KPNA3: variants seen among roughly 807,000 people sequenced by gnomAD.
KPNA3 encodes the protein importin subunit alpha-4.
Under a neutral mutation model 73.8 loss-of-function variants are expected in KPNA3, and 13 were observed. The observed-to-expected ratio is 0.18, with a 90% CI of 0.11 to 0.28. The LOEUF is 0.28. KPNA3 is among the 10% of genes least tolerant of loss of function. The pLI is 1.00. For missense variants in KPNA3, 360 were observed against 618.1 expected, an observed-to-expected ratio of 0.58 and a Z score of 4.43; for synonymous variants, 186 against 206.9, an observed-to-expected ratio of 0.90 and a Z score of 0.87.
intron 10 of KPNA3, among the ~76,000 whole-genome samples, chr13:49,713,107 T>C (rs559871406): frequency 1.3e-5 from 2 of 152,152 alleles, no homozygotes; most frequent in Middle Eastern, 6.8e-3. Context: ...GTATGCCAAG[T>C]AAATGATAAA....
At chr13:49,768,753 C>A (rs1370338897) in intron 1 of KPNA3, among the ~76,000 whole-genome samples, 1 of 152,134 alleles carries the variant, frequency 6.6e-6, no homozygotes, top group Non-Finnish European at 1.5e-5. Context: ...GTGTGCCACA[C>A]ATACATGTAC....
Position 49,745,357 on chromosome 13 carries a change from C to T in KPNA3, c.114+1592G>A, listed in dbSNP as rs1423053185. The stretch of plus-strand genomic sequence containing the variant: ...TCCCTACAACTGAAAAGTTTCAAGA[C>T]GGTAATTTTTTTTTTTTTTTGAGAC... On this transcript the variant is annotated intron_variant, in intron 2 of 16. Coordinates refer to ENST00000261667, the MANE Select transcript of KPNA3 (RefSeq NM_002267.4). Among the ~76,000 whole-genome samples the T allele has an allele frequency of 4.1e-5, 6 of 146,950 alleles. No individual in the cohort carries two copies. The South Asian group carries it at 6.4e-4, about 16-fold the overall frequency.
chr13:49,777,604 A>T (rs1954907792), intron 1 of KPNA3, among the ~76,000 whole-genome samples: 1 of 151,886 alleles, frequency 6.6e-6, no homozygotes, highest in South Asian at 2.1e-4. Context: ...CAGGTCAAAC[A>T]ATCCTTGTGC....
chr13:49,791,450 T>C lies in KPNA3; in HGVS notation c.69+988A>G, dbSNP rs12584870. Among the ~76,000 whole-genome samples the C allele has an allele frequency of 2.4e-4, 36 of 152,316 alleles. No homozygotes were observed. In the East Asian group the frequency reaches 2.7e-3, roughly 11 times the overall value. On this transcript the variant is annotated intron_variant, in intron 1 of 16. Coordinates refer to ENST00000261667, the MANE Select transcript of KPNA3 (RefSeq NM_002267.4). ...TGCCTCAATAAGCCGAGTTTGCAAATAGTACCTGCTAATGTCACCTTAATG... is the reference window on the plus strand; with the variant it reads ...TGCCTCAATAAGCCGAGTTTGCAAACAGTACCTGCTAATGTCACCTTAATG...
chr13:49,737,327 T>C (rs1954531063), intron 2 of KPNA3, among the ~76,000 whole-genome samples: 2 of 152,116 alleles, frequency 1.3e-5, no homozygotes, highest in Non-Finnish European at 2.9e-5. Flanking sequence ...CTAACATGAG[T>C]GATCAGTTTC....
At chr13:49,722,449 T>C (rs1460858113) in intron 8 of KPNA3, 28 bp downstream of exon 8, 1 of 1,462,488 alleles carries the variant, frequency 6.8e-7, no homozygotes, top group Non-Finnish European at 9.5e-7. Flanking sequence ...ATTTAGATTC[T>C]TAAGAGGATT....
chr13:49,775,307 A>G (rs1425532471), intron 1 of KPNA3, among the ~76,000 whole-genome samples: 1 of 152,138 alleles, frequency 6.6e-6, no homozygotes, highest in African/African-American at 2.4e-5. Flanking sequence ...AACCACTTTC[A>G]TATCATGGCA....
chr13:49,755,272 T>C (rs1954700905), intron 1 of KPNA3, among the ~76,000 whole-genome samples: 1 of 152,072 alleles, frequency 6.6e-6, no homozygotes, highest in Admixed American at 6.5e-5. Context: ...TATTATTCAA[T>C]GCAGAAAAAA....
At chr13:49,788,411 G>A (rs567940943) in intron 1 of KPNA3, among the ~76,000 whole-genome samples, 1 of 152,140 alleles carries the variant, frequency 6.6e-6, no homozygotes, top group African/African-American at 2.4e-5. Context: ...TACATGAAAA[G>A]GTCTAGCATT....
chr13:49,768,926 T>G (rs1954831505), intron 1 of KPNA3, among the ~76,000 whole-genome samples: 1 of 152,196 alleles, frequency 6.6e-6, no homozygotes, highest in Admixed American at 6.5e-5. Context: ...TCTGTATCCT[T>G]ACATTTCATG....
chr13:49,746,901 A>T (rs1954621618), intron 2 of KPNA3, 48 bp downstream of exon 2: 1 of 1,397,332 alleles, frequency 7.2e-7, no homozygotes, highest in African/African-American at 1.4e-5. Flanking sequence ...CAGAATTTTA[A>T]CATCAGAAAA....
intron 15 of KPNA3, among the ~76,000 whole-genome samples, chr13:49,704,439 AAATAAATAAATAAATAAATAAAT>A (rs1954184638): frequency 2.4e-3 from 6 of 2,466 alleles, no homozygotes; most frequent in Admixed American, 0.022. Context: ...AATAAAAAAT[AAATAAATAAATAAATAAATAAAT>A]AAATAAATAA....
Position 49,721,965 on chromosome 13 carries a change from G to A in KPNA3, c.716C>T (p.Thr239Ile), listed in dbSNP as rs1406461612. ...CAATTCTTCATTTACCTCCTGAACT[G>A]TCTCCATAGGCGGCGGGGGATCCTT... is the stretch of plus-strand genomic sequence containing the variant. ...RNKDPPPPME[T>I]VQEILPALCV... Residue 239 changes from threonine (T) to isoleucine (I), a missense_variant, in exon 9 of 17, where the codon ACA becomes ATA. Physicochemically the swap from Thr to Ile is moderately conservative, Grantham distance 89. Around this residue, in one of 3 missense-constraint regions of KPNA3, gnomAD observed 287 missense variants for 549.1 expected, o/e 0.52. Transcript: ENST00000261667. 3.3e-5 allele frequency: 52 copies of A among 1,578,800 alleles called. No homozygotes were observed. The highest frequency in any genetic ancestry group is 4.5e-5 in the Non-Finnish European group (52 of 1,163,664).
At chr13:49,762,260 G>A (rs1470347363) in intron 1 of KPNA3, among the ~76,000 whole-genome samples, 4 of 150,386 alleles carry the variant, frequency 2.7e-5, no homozygotes, top group Middle Eastern at 3.3e-3. Context: ...GGGCGCCTCC[G>A]CCCGGCCATC....
intron 2 of KPNA3, among the ~76,000 whole-genome samples, chr13:49,746,053 ACT>A (rs1206099010): frequency 2.3e-5 from 3 of 128,584 alleles, no homozygotes; most frequent in African/African-American, 8.8e-5. Flanking sequence ...ACAGAGCGAG[ACT>A]CTGCATCAGA....
At chr13:49,748,183 T>G (rs1954634411) in intron 1 of KPNA3, among the ~76,000 whole-genome samples, 1 of 152,206 alleles carries the variant, frequency 6.6e-6, no homozygotes, top group South Asian at 2.1e-4. Context: ...CCAGGGATGG[T>G]TTCTGATGTC....
rs1037412151 is a variant in KPNA3 at position 49,700,977 on chromosome 13, A to C, written c.*823T>G. 1 of 152,642 alleles carries C rather than the reference A, an allele frequency of 6.6e-6. No individual in the cohort carries two copies. The highest frequency in any genetic ancestry group is 1.5e-5 in the Non-Finnish European group (1 of 68,048). The allele number at this position is 152,642 out of a possible 1,614,324, so 9.5% of individuals were successfully genotyped here. On this transcript the variant is annotated 3_prime_UTR_variant, in exon 17 of 17. Transcript: ENST00000261667. Reference sequence around the variant, plus strand: ...TGCTTTCAACTTAAACAGAAGTTCAAGTCCATAACAGGTTGCAGCTCAGGT... The same window carrying C: ...TGCTTTCAACTTAAACAGAAGTTCACGTCCATAACAGGTTGCAGCTCAGGT...
chr13:49,774,445 G>T (rs551382326), intron 1 of KPNA3, among the ~76,000 whole-genome samples: 2 of 152,212 alleles, frequency 1.3e-5, no homozygotes, highest in East Asian at 3.9e-4. Context: ...AGAACTTTTA[G>T]ATTTCTCTTT....
intron 9 of KPNA3, among the ~76,000 whole-genome samples, chr13:49,721,736 C>T (rs1954360675): frequency 6.6e-6 from 1 of 152,130 alleles, no homozygotes; most frequent in African/African-American, 2.4e-5. Flanking sequence ...AGGAGAATGG[C>T]GTGAACCCAG....
Sources: allele counts gnomAD v4.1 joint callset (sites outside exome capture counted in the v4.1 genomes callset), GRCh38; gene constraint gnomAD v4.1.1; regional missense constraint gnomAD v4.1.1; transcripts MANE v1.5; gene names NCBI Gene and HGNC (gene_info 2026-07-23, HGNC 2026-07-21).